Variants in ITGA10 observed in about 807,000 individuals in gnomAD.
ITGA10 encodes the protein integrin alpha-10.
A neutral mutation model predicts 145.2 loss-of-function variants in ITGA10; 105 were observed. The ratio of observed to expected loss-of-function variants is 0.72; its 90% confidence interval spans 0.62 to 0.85. ITGA10 has a LOEUF of 0.85. Ranked by LOEUF, ITGA10 falls within the 40% of genes least tolerant of loss-of-function variation. The pLI is 0.00. For missense variants in ITGA10, 1,317 were observed against 1,444.5 expected, an observed-to-expected ratio of 0.91 and a Z score of 1.43; for synonymous variants, 506 against 557.8, an observed-to-expected ratio of 0.91 and a Z score of 1.31.
chr1:145,902,073 GAAA>G lies in ITGA10; in HGVS notation c.1150-55_1150-53del, dbSNP rs34834904. The G allele has an allele frequency of 3.7e-6, 6 of 1,601,398 alleles. No homozygotes were observed. In the Admixed American group the frequency reaches 7.0e-5, roughly 19 times the overall value. On this transcript the variant is annotated intron_variant, in intron 10 of 29. Transcript: ENST00000369304. The stretch of plus-strand genomic sequence containing the variant: ...CTGAGAAGACAGTGGGGAATAAAGA[GAAA>G]AAAAACGTTCCAGGAGTGAAAAGAT...
Position 145,897,525 on chromosome 1 carries a change from C to G in ITGA10, c.2561G>C (p.Ser854Thr), listed in dbSNP as rs797036239. Residue 854 changes from serine to threonine, a missense_variant, in exon 20 of 30, where the codon AGT (serine) becomes ACT (threonine). By Grantham distance (58) the Ser-to-Thr change is moderately conservative (BLOSUM62 1). Coordinates refer to ENST00000369304, the MANE Select transcript of ITGA10 (RefSeq NM_003637.5). ...LIFSRNLHLA[S>T]LTPQRESPIK... The stretch of plus-strand genomic sequence containing the variant: ...CTCCAAAGGCACCTGAGGAGTGAGA[C>G]TGGCCAGGTGGAGGTTTCTAGAGAA... 2.5e-6 allele frequency: 4 copies of G among 1,614,008 alleles called. No homozygotes were observed. The South Asian group carries it at 3.3e-5, about 13-fold the overall frequency.
In ITGA10 at chr1:145,902,553, C is replaced by T. The variant is rs1656494418; in HGVS notation, c.976G>A (p.Ala326Thr). The T allele has an allele frequency of 6.2e-7, 1 of 1,613,918 alleles. No individual in the cohort carries two copies. The highest frequency in any genetic ancestry group is 8.5e-7 in the Non-Finnish European group (1 of 1,179,932). Residue 326 changes from alanine to threonine, a missense_variant, in exon 9 of 30, where the codon GCC becomes ACC. Physicochemically the swap from Ala to Thr is moderately conservative, Grantham distance 58. Transcript: ENST00000369304. ...SSFLREIRTI[A>T]SDPDERFFFN... Reference sequence around the variant, plus strand: ...AAGAATCGCTCATCTGGATCACTGGCAATAGTTCTAATTTCTCTCAGGAAA... The same window carrying T: ...AAGAATCGCTCATCTGGATCACTGGTAATAGTTCTAATTTCTCTCAGGAAA...
At chr1:145,904,606 C>G in intron 6 of ITGA10, 78 bp downstream of exon 6, 2 of 1,522,340 alleles carry the variant, frequency 1.3e-6, no homozygotes, top group Non-Finnish European at 1.8e-6. Flanking sequence ...AACTCCTGGC[C>G]TCAGGGGATC....
rs1232369871 is a variant in ITGA10 at position 145,901,343 on chromosome 1, A to G, written c.1444-65T>C. On this transcript the variant is annotated intron_variant, in intron 12 of 29. Transcript: ENST00000369304. The surrounding 1 kb of genome is among the most constrained non-coding windows in gnomAD (Gnocchi z 4.3). ...AAGGTAACTGTAGACAAGTGGACTC[A>G]GTGGGAAGCACTCACCAGCCTGCTA... The G allele has an allele frequency of 1.9e-6, 3 of 1,583,526 alleles. No individual in the cohort carries two copies. Among genetic ancestry groups the G allele is most frequent in the African/African-American group, 1.3e-5 (1 of 74,404 alleles).
chr1:145,907,934 C>T (rs1467528640), intron 1 of ITGA10, among the ~76,000 whole-genome samples: 2 of 151,762 alleles, frequency 1.3e-5, no homozygotes, highest in Non-Finnish European at 2.9e-5. Flanking sequence ...CCTCGCCCGG[C>T]TAATTTTTCT....
In ITGA10 at chr1:145,902,757, G is replaced by A. The variant is rs587675778; in HGVS notation, c.909+54C>T. The A allele has an allele frequency of 1.4e-4, 214 of 1,569,918 alleles. 1 individual carries two copies. The East Asian group carries it at 4.2e-3, about 31-fold the overall frequency. ...TTCCCAGTCCTTGGACAGTTCACAA[G>A]ACACTGCCCCCCTGCCACTCCCCAA... is the stretch of plus-strand genomic sequence containing the variant. On this transcript the variant is annotated intron_variant, in intron 8 of 29. Transcript: ENST00000369304.
Position 145,897,750 on chromosome 1 carries a change from G to A in ITGA10, c.2432+65C>T, listed in dbSNP as rs587628654. The A allele has an allele frequency of 1.3e-3, 2,022 of 1,608,516 alleles. 2 individuals carry two copies. The highest frequency in any genetic ancestry group is 1.5e-3 in the Non-Finnish European group (1,808 of 1,175,248). ...ATGGGTAAGAAACAACCCCCTACCC[G>A]CCCTTCGAGTCCCTTCCAGTCTGTC... On this transcript the variant is annotated intron_variant, in intron 19 of 29. Coordinates refer to ENST00000369304, the MANE Select transcript of ITGA10 (RefSeq NM_003637.5).
At position 145,902,156 on chromosome 1, in the gene ITGA10, C is replaced by T. The variant is rs1656428364; in HGVS notation, c.1149+90G>A. 2.0e-5 allele frequency: 32 copies of T among 1,565,630 alleles called. No individual in the cohort carries two copies. The South Asian group carries it at 3.4e-4, about 16-fold the overall frequency. On this transcript the variant is annotated intron_variant, in intron 10 of 29. Coordinates refer to ENST00000369304, the MANE Select transcript of ITGA10 (RefSeq NM_003637.5). ...AGGCATGGGAAGGTGAGCATGGAGG[C>T]TGGTTAAAGGAGGAATCTGGAGGGC...
intron 19 of ITGA10, 37 bp from the exon 20 acceptor site, chr1:145,897,690 A>C (rs782483747): frequency 6.2e-7 from 1 of 1,613,674 alleles, no homozygotes; most frequent in East Asian, 2.2e-5. Context: ...CAGGAGTTGA[A>C]GGAGGGGAGT....
chr1:145,904,655 T>A, intron 6 of ITGA10, 29 bp downstream of exon 6: 2 of 1,612,504 alleles, frequency 1.2e-6, no homozygotes, highest in Middle Eastern at 1.7e-4. Context: ...CACAAGCAAC[T>A]GTGCCCAGCT....
In ITGA10 at chr1:145,893,614, C is replaced by T. The variant is rs782742575; in HGVS notation, c.3250G>A (p.Val1084Met). ...GTTCCCAGCTCAAAGGTGCTGACCA[C>T]CGTCAGGGACTTGAACTTGGCCTAT... is the stretch of plus-strand genomic sequence containing the variant. ...FRRAKFKSLT[V>M]VSTFELGTEE... Residue 1084 changes from valine to methionine, a missense_variant, in exon 28 of 30, where the codon GTG (valine) becomes ATG (methionine). By Grantham distance (21) the Val-to-Met change is conservative. Transcript: ENST00000369304. The T allele has an allele frequency of 1.9e-6, 3 of 1,613,280 alleles. No individual in the cohort carries two copies. In the East Asian group the frequency reaches 6.7e-5, roughly 36 times the overall value.
At chr1:145,909,561 TATTA>T (rs1553752562) in intron 1 of ITGA10, among the ~76,000 whole-genome samples, 1 of 137,034 alleles carries the variant, frequency 7.3e-6, no homozygotes, top group African/African-American at 2.7e-5. Context: ...ATTATATGTA[TATTA>T]TATATAATAT....
rs1655512277 is a variant in ITGA10, at chr1:145,897,038, T to C, written c.2717A>G (p.Gln906Arg). 2 of 1,614,126 alleles carry C rather than the reference T, an allele frequency of 1.2e-6. No individual in the cohort carries two copies. Among genetic ancestry groups the C allele is most frequent in the Non-Finnish European group, 1.7e-6 (2 of 1,179,980 alleles). ...FEFSCSSLLS[Q>R]VFVKLTASSD... ...GCTGGCAGTCAGCTTCACGAAGACC[T>C]GGCTCAGGAGAGAGGAGCAGCTAAA... The change falls in exon 22 of 30, where the codon CAG (glutamine) becomes CGG (arginine). Residue 906 changes from glutamine to arginine, a missense_variant. Transcript: ENST00000369304.
Position 145,902,256 on chromosome 1 carries a change from T to C in ITGA10, c.1139A>G (p.His380Arg), listed in dbSNP as rs782358265. The C allele has an allele frequency of 1.2e-5, 19 of 1,614,016 alleles. No individual in the cohort carries two copies. Among genetic ancestry groups the C allele is most frequent in the South Asian group, 9.9e-5 (9 of 91,082 alleles). Residue 380 changes from histidine (H) to arginine (R), a missense_variant, in exon 10 of 30, where the codon CAT becomes CGT. Transcript: ENST00000369304. ...GTCAATCTGTCCAACCTTTAGCCGA[T>C]GAGTGGAGAAACCAATCTGAGACAT... ...LEMSQIGFST[H>R]RLKDGILFGM...
Position 145,907,078 on chromosome 1 carries a change from C to T in ITGA10, c.237G>A (p.Gly79=), listed in dbSNP as rs1553751457. 42 of 1,562,738 alleles carry T rather than the reference C, an allele frequency of 2.7e-5. No individual in the cohort carries two copies. The highest frequency in any genetic ancestry group is 3.6e-5 in the Non-Finnish European group (41 of 1,153,144). The change falls in exon 3 of 30, where the codon GGG becomes GGA. Residue 79 remains glycine, a synonymous_variant. Transcript: ENST00000369304. ...RRGDVYRCPV[G]GAHNAPCAKG... ...TGGCACATGGGGCATTGTGGGCCCC[C>T]CCTACAGGGCAGCGATAAACGTCCC...
chr1:145,908,012 C>T (rs1293446445), intron 1 of ITGA10, among the ~76,000 whole-genome samples: 1 of 151,892 alleles, frequency 6.6e-6, no homozygotes, highest in Non-Finnish European at 1.5e-5. Flanking sequence ...CCTCATGATC[C>T]GCCCGCCTCG....
chr1:145,900,736 C>A, intron 14 of ITGA10, 54 bp downstream of exon 14: 2 of 1,548,912 alleles, frequency 1.3e-6, no homozygotes, highest in Non-Finnish European at 1.8e-6. Context: ...CAAAGAGCAT[C>A]CCCCTATTCC....
chr1:145,894,902 G>A (rs1655170036), intron 27 of ITGA10, among the ~76,000 whole-genome samples: 1 of 152,116 alleles, frequency 6.6e-6, no homozygotes, highest in African/African-American at 2.4e-5. Flanking sequence ...TAATAGGAAC[G>A]TGATGGATTC....
At chr1:145,903,107 C>G in intron 7 of ITGA10, 146 bp from the exon 8 acceptor site, 1 of 725,264 alleles carries the variant, frequency 1.4e-6, no homozygotes, top group Middle Eastern at 3.1e-4. Flanking sequence ...AGGCATCTTG[C>G]CTTTTAGGCC....
Sources: gnomAD v4.1 joint callset for allele counts (sites outside exome capture counted in the v4.1 genomes callset) on GRCh38, gnomAD v4.1.1 for gene constraint, Gnocchi (gnomAD v3.1) non-coding constraint, MANE v1.5 for transcripts, NCBI Gene and HGNC (gene_info 2026-07-23, HGNC 2026-07-21) for gene names.